Variants in NFIA observed in about 807,000 individuals in gnomAD.
NFIA encodes the protein nuclear factor I A, also known as nuclear factor 1 A-type.
Under a neutral mutation model 62.8 loss-of-function variants are expected in NFIA, and 8 were observed. The ratio of observed to expected loss-of-function variants is 0.13; its 90% CI spans 0.07 to 0.23. The LOEUF (loss-of-function observed/expected upper bound fraction) is 0.23. Ranked by LOEUF, NFIA falls within the 10% of genes least tolerant of loss-of-function variation. The pLI, the probability that NFIA is intolerant of heterozygous loss-of-function variation, is 1.00. For synonymous variants in NFIA, 235 were observed against 238.1 expected, an observed-to-expected ratio of 0.99 and a Z score of 0.12; for missense variants, 410 against 642.1, an observed-to-expected ratio of 0.64 and a Z score of 3.91.
At chr1:61,377,929 G>A (rs959609220) in intron 6 of NFIA, among the ~76,000 whole-genome samples, 3 of 152,172 alleles carry the variant, frequency 2.0e-5, no homozygotes, top group African/African-American at 7.2e-5. Context: ...AATAATTATA[G>A]TTTATGGTGA....
At chr1:61,283,469 C>A (rs967887228) in intron 3 of NFIA, among the ~76,000 whole-genome samples, 1 of 149,786 alleles carries the variant, frequency 6.7e-6, no homozygotes, top group African/African-American at 2.5e-5. Flanking sequence ...GTAATCCTAG[C>A]CACTTGGGAG....
chr1:61,347,165 C>CTTT (rs869046737), intron 4 of NFIA, among the ~76,000 whole-genome samples: 2,301 of 70,130 alleles, frequency 0.033, 471 homozygotes, highest in South Asian at 0.13. Flanking sequence ...CTGGATCCCA[C>CTTT]TTTTTTTTTT....
At chr1:61,242,971 A>G (rs1331589342) in intron 2 of NFIA, among the ~76,000 whole-genome samples, 2 of 151,960 alleles carry the variant, frequency 1.3e-5, no homozygotes, top group African/African-American at 4.8e-5. Flanking sequence ...TATATTCTCT[A>G]TCACAAGGGG....
chr1:61,109,061 G>A (rs1217310116), intron 2 of NFIA, among the ~76,000 whole-genome samples: 1 of 151,710 alleles, frequency 6.6e-6, no homozygotes, highest in Admixed American at 6.6e-5. Context: ...TTGAACTATA[G>A]AACCCTTAAG....
At chr1:61,241,600 A>G (rs1196677250) in intron 2 of NFIA, among the ~76,000 whole-genome samples, 1 of 152,100 alleles carries the variant, frequency 6.6e-6, no homozygotes, top group Non-Finnish European at 1.5e-5. Flanking sequence ...GAACAGGTTC[A>G]AAATGGTGAC....
chr1:61,431,081 G>A (rs116672957), intron 10 of NFIA, among the ~76,000 whole-genome samples: 2 of 151,990 alleles, frequency 1.3e-5, no homozygotes, highest in African/African-American at 2.4e-5. Context: ...CACTATTAAC[G>A]TGCCCTGCAT....
chr1:61,316,730 T>G (rs1660385756), intron 3 of NFIA, among the ~76,000 whole-genome samples: 1 of 152,228 alleles, frequency 6.6e-6, no homozygotes, highest in Admixed American at 6.5e-5. Context: ...GGAAGTGGCC[T>G]GGATCATAAA....
intron 3 of NFIA, among the ~76,000 whole-genome samples, chr1:61,321,702 C>T (rs1660687045): frequency 6.6e-6 from 1 of 152,152 alleles, no homozygotes; most frequent in East Asian, 1.9e-4. Flanking sequence ...TATTACTCCA[C>T]TACTAGATGA....
intron 9 of NFIA, among the ~76,000 whole-genome samples, chr1:61,413,045 T>A (rs1666174524): frequency 6.6e-6 from 1 of 151,978 alleles, no homozygotes; most frequent in Non-Finnish European, 1.5e-5. Context: ...AACATGCATA[T>A]TTTTTTAATT....
At chr1:61,246,068 A>G (rs1390951759) in intron 2 of NFIA, among the ~76,000 whole-genome samples, 2 of 152,208 alleles carry the variant, frequency 1.3e-5, no homozygotes, top group Non-Finnish European at 2.9e-5. Flanking sequence ...ACTATTTTCT[A>G]GTGGCTGCTT....
chr1:61,255,962 C>G (rs1245097508), intron 2 of NFIA, among the ~76,000 whole-genome samples: 1 of 152,076 alleles, frequency 6.6e-6, no homozygotes, highest in East Asian at 1.9e-4. Context: ...TGTAAGCTCA[C>G]TAGGAAGTAT....
At chr1:61,371,119 G>C (rs1444031818) in intron 6 of NFIA, among the ~76,000 whole-genome samples, 2 of 152,100 alleles carry the variant, frequency 1.3e-5, no homozygotes, top group African/African-American at 4.8e-5. Context: ...CAGCAGAAGA[G>C]AGCATTTATC....
intron 2 of NFIA, among the ~76,000 whole-genome samples, chr1:61,270,923 A>G (rs1657465939): frequency 6.6e-6 from 1 of 152,234 alleles, no homozygotes; most frequent in Non-Finnish European, 1.5e-5. Context: ...AGTTTAGTTT[A>G]GTCAAAGCGT....
intron 2 of NFIA, among the ~76,000 whole-genome samples, chr1:61,259,773 A>G (rs1433752692): frequency 6.6e-6 from 1 of 152,252 alleles, no homozygotes; most frequent in Non-Finnish European, 1.5e-5. Flanking sequence ...GGGACAGTTT[A>G]ACCGAAATCT....
intron 3 of NFIA, among the ~76,000 whole-genome samples, chr1:61,283,581 CAAAAAAA>C (rs576613886): frequency 1.9e-4 from 7 of 36,680 alleles, no homozygotes; most frequent in Non-Finnish European, 3.8e-4. Flanking sequence ...GACTCTGTCT[CAAAAAAA>C]AAAAAAAAAA....
At chr1:61,436,084 T>C (rs1667315237) in intron 10 of NFIA, among the ~76,000 whole-genome samples, 1 of 152,156 alleles carries the variant, frequency 6.6e-6, no homozygotes, top group Non-Finnish European at 1.5e-5. Context: ...GGTCACCGTG[T>C]GCTGGTTAAA....
At chr1:61,272,104 A>G (rs1657541633) in intron 2 of NFIA, among the ~76,000 whole-genome samples, 1 of 152,084 alleles carries the variant, frequency 6.6e-6, no homozygotes, top group Non-Finnish European at 1.5e-5. Flanking sequence ...ATAATTGCAT[A>G]TTTTCGGTGG....
chr1:61,129,366 C>T (rs1476369855), intron 2 of NFIA, among the ~76,000 whole-genome samples: 4 of 151,968 alleles, frequency 2.6e-5, no homozygotes, highest in African/African-American at 9.7e-5. Flanking sequence ...CATAAATCCA[C>T]ACAACCTTAA....
chr1:61,272,256 C>T (rs1557674903), intron 2 of NFIA, among the ~76,000 whole-genome samples: 3 of 152,250 alleles, frequency 2.0e-5, no homozygotes, highest in South Asian at 2.1e-4. Context: ...TACACCTGTA[C>T]GCTGACATTC....
Sources: allele counts gnomAD v4.1 joint callset (sites outside exome capture counted in the v4.1 genomes callset), GRCh38; gene constraint gnomAD v4.1.1; transcripts MANE v1.5; gene names NCBI Gene and HGNC (gene_info 2026-07-23, HGNC 2026-07-21).